TMEM131: variants seen among roughly 807,000 people sequenced by gnomAD.
TMEM131 encodes 2610524E03Rik.
Under a neutral mutation model 211.6 loss-of-function variants are expected in TMEM131, and 66 were observed. The ratio of observed to expected loss-of-function variants is 0.31; its 90% confidence interval spans 0.26 to 0.38. The LOEUF is 0.38. Among genes scored for constraint, TMEM131 ranks in the 10% least tolerant of loss-of-function variants. The pLI is 1.00. For missense variants in TMEM131, 2,036 were observed against 2,299.3 expected (o/e 0.89, Z 2.34); for synonymous variants, 844 against 841.3 (o/e 1.00, Z -0.06).
chr2:97,937,603 C>A (rs1677506389), intron 1 of TMEM131, among the ~76,000 whole-genome samples: 1 of 151,736 alleles, frequency 6.6e-6, no homozygotes, highest in South Asian at 2.1e-4. Flanking sequence ...AAAATTGCTA[C>A]AAGAGGAAAA....
At chr2:97,816,853 G>A (rs1027761007) in intron 12 of TMEM131, among the ~76,000 whole-genome samples, 1 of 152,128 alleles carries the variant, frequency 6.6e-6, no homozygotes, top group East Asian at 1.9e-4. Flanking sequence ...GAACACTGCA[G>A]AGTTAATACA....
chr2:97,933,413 G>T (rs1164732664), intron 1 of TMEM131, among the ~76,000 whole-genome samples: 1 of 152,114 alleles, frequency 6.6e-6, no homozygotes, highest in Non-Finnish European at 1.5e-5. Flanking sequence ...GAAAAATGTA[G>T]AATAAGCAAA....
chr2:97,880,181 G>A lies in TMEM131; in HGVS notation c.359+7871C>T, dbSNP rs140026428. Among the ~76,000 whole-genome samples the A allele has an allele frequency of 2.7e-5, 4 of 149,934 alleles. No homozygotes were observed. The East Asian group carries it at 5.8e-4, about 22-fold the overall frequency. On this transcript the variant is annotated intron_variant, in intron 4 of 40. Transcript: ENST00000186436. ...GGGAGACTCAAGGTATGAATAACACGCCCAGCCCTTATGAAGATCAGTGCT... is the reference window on the plus strand; with the variant it reads ...GGGAGACTCAAGGTATGAATAACACACCCAGCCCTTATGAAGATCAGTGCT...
chr2:97,867,938 G>C (rs921130302), intron 4 of TMEM131, among the ~76,000 whole-genome samples: 1 of 152,032 alleles, frequency 6.6e-6, no homozygotes, highest in African/African-American at 2.4e-5. Flanking sequence ...ACATTTTTTT[G>C]AATGAATAAT....
rs1322085997 is a variant in TMEM131, at chr2:97,769,922, A to AT, written c.4448+2374dup. Among the ~76,000 whole-genome samples, 6 of 152,102 alleles carry AT rather than the reference A, an allele frequency of 3.9e-5. No individual in the cohort carries two copies. In the East Asian group the frequency reaches 9.6e-4, roughly 24 times the overall value. ...CCACCCTCCTATTTCCTAGCAAGTG[A>AT]TTTTTTTGAGGTCAACTCTTGGGAG... is the stretch of plus-strand genomic sequence containing the variant. On this transcript the variant is annotated intron_variant, in intron 33 of 40. Coordinates refer to ENST00000186436, the MANE Select transcript of TMEM131 (RefSeq NM_015348.2).
intron 11 of TMEM131, among the ~76,000 whole-genome samples, chr2:97,826,631 T>A (rs1682399289): frequency 4.3e-5 from 6 of 140,752 alleles, no homozygotes; most frequent in East Asian, 2.1e-4. Flanking sequence ...AGAGAAACAG[T>A]GAGAGAGGGG....
At chr2:97,885,892 C>T (rs956121058) in intron 4 of TMEM131, among the ~76,000 whole-genome samples, 2 of 152,174 alleles carry the variant, frequency 1.3e-5, no homozygotes, top group African/African-American at 4.8e-5. Context: ...TTTCTCTTCT[C>T]CTTCTGGAAT....
chr2:97,890,390 A>G (rs2104273674), intron 3 of TMEM131, among the ~76,000 whole-genome samples: 1 of 152,288 alleles, frequency 6.6e-6, no homozygotes, highest in East Asian at 1.9e-4. Context: ...TATATTTGGA[A>G]GCTTGAGAAA....
At position 97,801,910 on chromosome 2, in the gene TMEM131, T is replaced by C. The variant is rs1169349399; in HGVS notation, c.2703A>G (p.Gln901=). The C allele has an allele frequency of 1.2e-6, 2 of 1,607,646 alleles. No individual in the cohort carries two copies. The highest frequency in any genetic ancestry group is 1.7e-6 in the Non-Finnish European group (2 of 1,176,732). ...AKIDLRTLEF[Q]VFRNSAHPLQ... is the part of the protein sequence containing the mutation. ...GAATACTTACACTGTTTCTGAAGACTTGAAATTCTAGTGTTCTCAAATCTA... is the reference window on the plus strand; with the variant it reads ...GAATACTTACACTGTTTCTGAAGACCTGAAATTCTAGTGTTCTCAAATCTA... The change falls in exon 25 of 41, where the codon CAA becomes CAG. Residue 901 remains glutamine, a synonymous_variant. Transcript: ENST00000186436.
At position 97,970,278 on chromosome 2, in the gene TMEM131, G is replaced by A. The variant is rs1424351355; in HGVS notation, c.187+25198C>T. Among the ~76,000 whole-genome samples the A allele has an allele frequency of 2.6e-5, 4 of 152,164 alleles. No individual in the cohort carries two copies. In the East Asian group the frequency reaches 7.7e-4, roughly 29 times the overall value. On this transcript the variant is annotated intron_variant, in intron 1 of 40. Coordinates refer to ENST00000186436, the MANE Select transcript of TMEM131 (RefSeq NM_015348.2). ...AGGAACTGCTCAGTAGGGAGCATAAGGGTATCAAGGCTGATCCAAGAGACA... is the reference window on the plus strand; with the variant it reads ...AGGAACTGCTCAGTAGGGAGCATAAAGGTATCAAGGCTGATCCAAGAGACA...
chr2:97,906,416 T>C (rs1676071122), intron 3 of TMEM131, among the ~76,000 whole-genome samples: 1 of 152,218 alleles, frequency 6.6e-6, no homozygotes, highest in South Asian at 2.1e-4. Flanking sequence ...ACAAACCTAA[T>C]ATTCCTGTCA....
At chr2:97,804,915 C>T (rs901871986) in intron 22 of TMEM131, among the ~76,000 whole-genome samples, 173 bp downstream of exon 22, 1 of 152,158 alleles carries the variant, frequency 6.6e-6, no homozygotes, top group Non-Finnish European at 1.5e-5. Context: ...TTCCAAGCAA[C>T]ATACAGTTAA....
intron 5 of TMEM131, among the ~76,000 whole-genome samples, chr2:97,846,045 T>G (rs1683412870): frequency 6.6e-6 from 1 of 152,220 alleles, no homozygotes; most frequent in African/African-American, 2.4e-5. Context: ...GAAATAGTCG[T>G]GCACACAGTT....
intron 31 of TMEM131, among the ~76,000 whole-genome samples, chr2:97,779,046 A>C (rs1679862085): frequency 1.3e-5 from 2 of 152,240 alleles, no homozygotes; most frequent in South Asian, 2.1e-4. Flanking sequence ...GTTAAAAAGA[A>C]AATACTGCAG....
chr2:97,779,425 G>A (rs553513971), intron 31 of TMEM131, among the ~76,000 whole-genome samples: 2 of 152,354 alleles, frequency 1.3e-5, no homozygotes, highest in South Asian at 4.2e-4. Flanking sequence ...TGGGTGGGCT[G>A]AAGCAGTAAG....
chr2:97,922,552 TAC>T (rs1484941580), intron 2 of TMEM131, among the ~76,000 whole-genome samples: 4 of 152,000 alleles, frequency 2.6e-5, no homozygotes, highest in Non-Finnish European at 4.4e-5. Flanking sequence ...CTGAAGTAAC[TAC>T]AGTTACACTC....
intron 31 of TMEM131, among the ~76,000 whole-genome samples, chr2:97,791,678 T>C (rs1680503920): frequency 6.6e-6 from 1 of 152,230 alleles, no homozygotes; most frequent in African/African-American, 2.4e-5. Context: ...CGCTAAGCTG[T>C]ACTCATGTCC....
chr2:97,806,824 C>T (rs889715496), intron 19 of TMEM131, among the ~76,000 whole-genome samples: 1 of 151,972 alleles, frequency 6.6e-6, no homozygotes, highest in Non-Finnish European at 1.5e-5. Flanking sequence ...AGAGCGTGCA[C>T]AGGAAAAAGG....
chr2:97,961,023 C>T (rs1411962239), intron 1 of TMEM131, among the ~76,000 whole-genome samples: 2 of 151,894 alleles, frequency 1.3e-5, no homozygotes, highest in Non-Finnish European at 2.9e-5. Flanking sequence ...AGAACTTCCT[C>T]AGCGATTATG....
Sources: gnomAD v4.1 joint callset for allele counts (sites outside exome capture counted in the v4.1 genomes callset) on GRCh38, gnomAD v4.1.1 for gene constraint, MANE v1.5 for transcripts, NCBI Gene and HGNC (gene_info 2026-07-23, HGNC 2026-07-21) for gene names.